The following MYLK variants were observed in gnomAD, a reference collection of about 807,000 sequenced individuals.
MYLK encodes the protein myosin light chain kinase, also known as myosin light chain kinase, smooth muscle.
MYLK carries 106 observed loss-of-function variants against 203.4 expected under a neutral mutation model. The observed-to-expected ratio is 0.52, with a 90% confidence interval of 0.45 to 0.61. The LOEUF (loss-of-function observed/expected upper bound fraction) is 0.61, where lower values mean the gene tolerates loss of function less well. MYLK is among the 20% of genes least tolerant of loss of function. The pLI is 0.00. For missense variants in MYLK, 2,072 were observed against 2,442.3 expected (o/e 0.85, Z 3.20); for synonymous variants, 867 against 959.5 (o/e 0.90, Z 1.78).
intron 24 of MYLK, among the ~76,000 whole-genome samples, chr3:123,654,697 C>T (rs947470431): frequency 3.3e-5 from 5 of 151,484 alleles, no homozygotes; most frequent in African/African-American, 1.2e-4. Flanking sequence ...TTTTTCTTAT[C>T]CTATATTCTT....
Position 123,843,240 on chromosome 3 carries a change from G to T in MYLK, c.-126-11570C>A, listed in dbSNP as rs1334405134. ...AGATGTCAAAAATACTGGAAACAATGAAATCAGACAGATTAGGAGAAATAA... is the reference window on the plus strand; with the variant it reads ...AGATGTCAAAAATACTGGAAACAATTAAATCAGACAGATTAGGAGAAATAA... On this transcript the variant is annotated intron_variant, in intron 2 of 33. Transcript: ENST00000360304. Among the ~76,000 whole-genome samples the T allele has an allele frequency of 2.0e-5, 3 of 152,180 alleles. No individual in the cohort carries two copies. The East Asian group carries it at 5.8e-4, about 29-fold the overall frequency.
intron 23 of MYLK, among the ~76,000 whole-genome samples, chr3:123,658,830 T>C (rs1308186425): frequency 6.6e-6 from 1 of 152,150 alleles, no homozygotes; most frequent in Non-Finnish European, 1.5e-5. Flanking sequence ...TATGAGTATA[T>C]ATACTCATAC....
chr3:123,646,655 C>T (rs2059031809), intron 27 of MYLK, among the ~76,000 whole-genome samples: 1 of 152,226 alleles, frequency 6.6e-6, no homozygotes, highest in Non-Finnish European at 1.5e-5. Flanking sequence ...GATAATCCCC[C>T]TGCCTTTGTA....
chr3:123,858,015 G>A (rs115530546), intron 2 of MYLK, among the ~76,000 whole-genome samples: 51 of 152,258 alleles, frequency 3.3e-4, no homozygotes, highest in African/African-American at 1.0e-3. Flanking sequence ...AATGTAAACC[G>A]AAGGACAAAG....
intron 2 of MYLK, among the ~76,000 whole-genome samples, chr3:123,855,354 C>G (rs956316749): frequency 6.6e-6 from 1 of 152,166 alleles, no homozygotes; most frequent in South Asian, 2.1e-4. Flanking sequence ...TTAACTCATG[C>G]TTCAATGGTA....
At chr3:123,836,453 G>A (rs528504909) in intron 2 of MYLK, among the ~76,000 whole-genome samples, 15 of 152,160 alleles carry the variant, frequency 9.9e-5, no homozygotes, top group Admixed American at 1.3e-4. Context: ...TCTACACCTT[G>A]CTTTATTTTG....
chr3:123,773,382 AG>A (rs1244147500), intron 4 of MYLK, among the ~76,000 whole-genome samples: 21 of 152,346 alleles, frequency 1.4e-4, no homozygotes, highest in African/African-American at 5.0e-4. Context: ...TTTTAAAGTA[AG>A]GAACACGTTT....
rs144886677 is a variant in MYLK at position 123,793,235 on chromosome 3, G to T, written c.165+442C>A. Among the ~76,000 whole-genome samples, 233 of 152,158 alleles carry T rather than the reference G, an allele frequency of 1.5e-3. 1 individual carries two copies. Among genetic ancestry groups the T allele is most frequent in the African/African-American group, 5.3e-3 (219 of 41,524 alleles). On this transcript the variant is annotated intron_variant, in intron 4 of 33. Coordinates refer to ENST00000360304, the MANE Select transcript of MYLK (RefSeq NM_053025.4). ...AATGAGAGGTCCTATCACTGCTCCG[G>T]GTATACCAAATGGATGTACAAGAAG...
At chr3:123,746,750 C>T (rs938122338) in intron 5 of MYLK, among the ~76,000 whole-genome samples, 6 of 152,112 alleles carry the variant, frequency 3.9e-5, no homozygotes, top group Middle Eastern at 6.3e-3. Context: ...GTATTGTTAA[C>T]TTTAATGAGA....
intron 20 of MYLK, among the ~76,000 whole-genome samples, chr3:123,669,426 T>G (rs1177895481): frequency 7.2e-6 from 1 of 138,886 alleles, no homozygotes; most frequent in African/African-American, 2.6e-5. Context: ...GGAAAGGCTT[T>G]TTTTTTTTTT....
chr3:123,713,014 AT>A (rs1339218946), intron 13 of MYLK, among the ~76,000 whole-genome samples: 3 of 152,222 alleles, frequency 2.0e-5, no homozygotes, highest in African/African-American at 7.2e-5. Context: ...ACTATTAGGA[AT>A]ACAAATGCGT....
At chr3:123,859,441 T>C (rs1286566485) in intron 2 of MYLK, among the ~76,000 whole-genome samples, 1 of 152,270 alleles carries the variant, frequency 6.6e-6, no homozygotes, top group Non-Finnish European at 1.5e-5. Context: ...AGTCTGTCTA[T>C]TCCTGATTAC....
intron 23 of MYLK, among the ~76,000 whole-genome samples, chr3:123,661,369 G>C (rs2059555612): frequency 6.6e-6 from 1 of 152,132 alleles, no homozygotes. Flanking sequence ...CGGGAGTACA[G>C]GGCCAAATCA....
chr3:123,709,901 G>T lies in MYLK; in HGVS notation c.1805-8C>A. 6.2e-7 allele frequency: 1 copy of T among 1,613,922 alleles called. No individual in the cohort carries two copies. The highest frequency in any genetic ancestry group is 8.5e-7 in the Non-Finnish European group (1 of 1,179,970). On this transcript the variant is annotated splice_polypyrimidine_tract_variant and splice_region_variant and intron_variant, in intron 13 of 33. Transcript: ENST00000360304. ...TCCTGCTACTCTTCTTTTCTGTGTG[G>T]TAGAAAACAGAACGTGGGGTGAACA... is the stretch of plus-strand genomic sequence containing the variant.
chr3:123,843,046 T>G (rs1032933087), intron 2 of MYLK, among the ~76,000 whole-genome samples: 1 of 152,134 alleles, frequency 6.6e-6, no homozygotes, highest in African/African-American at 2.4e-5. Context: ...CTTCGGATAG[T>G]GTGGAATACA....
In MYLK at chr3:123,708,686, G is replaced by T. The variant is rs1238500264; in HGVS notation, c.2140+12C>A. The T allele has an allele frequency of 1.2e-6, 2 of 1,613,920 alleles. No individual in the cohort carries two copies. Among genetic ancestry groups the T allele is most frequent in the Admixed American group, 1.7e-5 (1 of 60,030 alleles). On this transcript the variant is annotated intron_variant, in intron 15 of 33. Transcript: ENST00000360304. Reference sequence around the variant, plus strand: ...ATCTCCTTCCCACTCGCTCTGAGTGGGTCAGCCTCACCTTGTACCGTGAGC... The same window carrying T: ...ATCTCCTTCCCACTCGCTCTGAGTGTGTCAGCCTCACCTTGTACCGTGAGC...
chr3:123,810,604 T>C (rs1427254276), intron 3 of MYLK, among the ~76,000 whole-genome samples: 4 of 152,214 alleles, frequency 2.6e-5, no homozygotes, highest in Non-Finnish European at 5.9e-5. Flanking sequence ...CTCTTCTAGA[T>C]GAACAATCCC....
chr3:123,611,135 T>C lies in MYLK; in HGVS notation c.*2970A>G, dbSNP rs1441299038. 6.6e-6 allele frequency: 1 copy of C among 152,216 alleles called. No individual in the cohort carries two copies. Among genetic ancestry groups the C allele is most frequent in the Non-Finnish European group, 1.5e-5 (1 of 68,040 alleles). 9.4% of individuals were successfully genotyped at this position (152,216 alleles called of 1,614,324 possible). A position where few individuals can be genotyped will look rare whatever the true frequency, so the allele number is the denominator to read the frequency against. On this transcript the variant is annotated 3_prime_UTR_variant, in exon 34 of 34. Transcript: ENST00000360304. Reference sequence around the variant, plus strand: ...GTCTTAAAAATGAAAACACTAAATATTTATTAACTGGACAATGGATTGTTT... The same window carrying C: ...GTCTTAAAAATGAAAACACTAAATACTTATTAACTGGACAATGGATTGTTT...
intron 2 of MYLK, among the ~76,000 whole-genome samples, chr3:123,875,770 A>G (rs1393008278): frequency 6.6e-6 from 1 of 152,226 alleles, no homozygotes; most frequent in African/African-American, 2.4e-5. Flanking sequence ...TTGTCAAACA[A>G]TGGAATAAAA....
Sources: gnomAD v4.1 joint callset for allele counts (sites outside exome capture counted in the v4.1 genomes callset) on GRCh38, gnomAD v4.1.1 for gene constraint, MANE v1.5 for transcripts, NCBI Gene and HGNC (gene_info 2026-07-23, HGNC 2026-07-21) for gene names.